Variants in KCNQ1 observed in about 807,000 individuals in gnomAD.
KCNQ1 encodes potassium voltage-gated channel subfamily Q member 1.
A neutral mutation model predicts 72.4 loss-of-function variants in KCNQ1; 49 were observed. That is an observed-to-expected ratio of 0.68 (90% CI 0.54 to 0.86). The LOEUF (loss-of-function observed/expected upper bound fraction) is 0.86, where lower values mean the gene tolerates loss of function less well. KCNQ1 is among the 40% of genes least tolerant of loss of function. The pLI is 0.00. For synonymous variants in KCNQ1, 450 were observed against 412.6 expected (o/e 1.09, Z -1.10); for missense variants, 790 against 945.1 (o/e 0.84, Z 2.15).
chr11:2,652,096 G>C lies in KCNQ1; in HGVS notation c.1394-9865G>C, dbSNP rs941498730. 1.0e-5 allele frequency: 4 copies of C among 398,592 alleles called. No homozygotes were observed. The highest frequency in any genetic ancestry group is 6.2e-5 in the African/African-American group (3 of 48,636). The allele number at this position is 398,592 out of a possible 1,614,324, so 24.7% of individuals were successfully genotyped here. On this transcript the variant is annotated intron_variant, in intron 10 of 15. Transcript: ENST00000155840. This position sits in a 1 kb window ranked among gnomAD's most constrained non-coding sequence, Gnocchi z 5.9. ...AGCTATGGGGAGCCTCTCGGCCCCAGTTCTGGCCTGGCTGGGAGGTGGCCT... is the reference window on the plus strand; with the variant it reads ...AGCTATGGGGAGCCTCTCGGCCCCACTTCTGGCCTGGCTGGGAGGTGGCCT...
intron 1 of KCNQ1, among the ~76,000 whole-genome samples, chr11:2,522,025 C>T (rs983837885): frequency 5.9e-5 from 9 of 152,272 alleles, no homozygotes; most frequent in African/African-American, 1.9e-4. Flanking sequence ...AGGGTTCCTG[C>T]ATTCTCCTGT....
Position 2,592,633 on chromosome 11 carries a change from CCCAA to C in KCNQ1, c.1393+3782_1393+3785del, listed in dbSNP as rs1848685471. Among the ~76,000 whole-genome samples the C allele has an allele frequency of 6.6e-6, 1 of 152,330 alleles. No homozygotes were observed. The highest frequency in any genetic ancestry group is 2.1e-4 in the South Asian group (1 of 4,826). ...ACTCCTCATGAAGGATGCATGGGGA[CCCAA>C]CCGCATGCCACTTGGCTTGGCAGTG... is the stretch of plus-strand genomic sequence containing the variant. On this transcript the variant is annotated intron_variant, in intron 10 of 15. Coordinates refer to ENST00000155840, the MANE Select transcript of KCNQ1 (RefSeq NM_000218.3). The surrounding 1 kb of genome is among the most constrained non-coding windows in gnomAD (Gnocchi z 5.2).
In KCNQ1 at chr11:2,690,037, G is replaced by GCCTCTCCTCC. The variant is rs1850562856; in HGVS notation, c.1514+27965_1514+27974dup. ...GGTGAGCCTTCCGAGGGCCAGCCCT[G>GCCTCTCCTCC]CCTCTCCTCCCCTCTCCTAGCCTGC... On this transcript the variant is annotated intron_variant, in intron 11 of 15. Transcript: ENST00000155840. This position sits in a 1 kb window ranked among gnomAD's most constrained non-coding sequence, Gnocchi z 5.1. The GCCTCTCCTCC allele has an allele frequency of 2.3e-5, 9 of 399,022 alleles. No homozygotes were observed. The East Asian group carries it at 3.2e-4, about 14-fold the overall frequency. 24.7% of individuals were successfully genotyped at this position (399,022 alleles called of 1,614,324 possible).
chr11:2,468,475 G>A lies in KCNQ1; in HGVS notation c.386+22991G>A, dbSNP rs959002054. Among the ~76,000 whole-genome samples, 1 of 152,040 alleles carries A rather than the reference G, an allele frequency of 6.6e-6. No individual in the cohort carries two copies. The highest frequency in any genetic ancestry group is 2.4e-5 in the African/African-American group (1 of 41,406). On this transcript the variant is annotated intron_variant, in intron 1 of 15. Transcript: ENST00000155840. The surrounding 1 kb of genome is among the most constrained non-coding windows in gnomAD (Gnocchi z 5.7). ...CTTTACGGAGGCGTGCTTGGCATAC[G>A]GTAAACTGCCCCAGTTTAAAGCAGA...
At chr11:2,591,331 C>T (rs2283175) in intron 10 of KCNQ1, among the ~76,000 whole-genome samples, 26,617 of 152,206 alleles carry the variant, frequency 0.17, 3,247 homozygotes, top group East Asian at 0.52. Context: ...AGTCCAGGCT[C>T]CCGCTCCACT....
rs905730304 is a variant in KCNQ1, at chr11:2,710,537, C to T, written c.1514+48456C>T. ...GATGCTTATGTTTTTGGTGTCATAA[C>T]TAAATAACAACATGTAATCTGAGGT... On this transcript the variant is annotated intron_variant, in intron 11 of 15. Coordinates refer to ENST00000155840, the MANE Select transcript of KCNQ1 (RefSeq NM_000218.3). This position sits in a 1 kb window ranked among gnomAD's most constrained non-coding sequence, Gnocchi z 4.1. Among the ~76,000 whole-genome samples, 2 of 152,134 alleles carry T rather than the reference C, an allele frequency of 1.3e-5. No homozygotes were observed. Among genetic ancestry groups the T allele is most frequent in the African/African-American group, 4.8e-5 (2 of 41,432 alleles).
Position 2,541,301 on chromosome 11 carries a change from T to C in KCNQ1, c.477+13283T>C, listed in dbSNP as rs1253224129. On this transcript the variant is annotated intron_variant, in intron 2 of 15. Coordinates refer to ENST00000155840, the MANE Select transcript of KCNQ1 (RefSeq NM_000218.3). This position sits in a 1 kb window ranked among gnomAD's most constrained non-coding sequence, Gnocchi z 4.8. ...ATCTGGTCAGTTTCCGAGCACCATG[T>C]GCTGAGAATGATGCGTGCATTCAGA... 1.3e-5 allele frequency among the ~76,000 whole-genome samples: 2 copies of C among 152,360 alleles called. No homozygotes were observed. Among genetic ancestry groups the C allele is most frequent in the East Asian group, 3.9e-4 (2 of 5,174 alleles).
At chr11:2,790,207 G>A (rs1222336959) in intron 15 of KCNQ1, among the ~76,000 whole-genome samples, 2 of 152,144 alleles carry the variant, frequency 1.3e-5, no homozygotes, top group Admixed American at 6.5e-5. Flanking sequence ...CAGCTCAGAG[G>A]AGAAGCCTGT....
chr11:2,539,407 G>A (rs1847787618), intron 2 of KCNQ1, among the ~76,000 whole-genome samples: 2 of 152,226 alleles, frequency 1.3e-5, no homozygotes, highest in Admixed American at 1.3e-4. Context: ...AGTGGCTAGA[G>A]GAACGGGCTT....
chr11:2,581,798 C>T (rs2133747990), intron 6 of KCNQ1, among the ~76,000 whole-genome samples: 1 of 152,334 alleles, frequency 6.6e-6, no homozygotes, highest in African/African-American at 2.4e-5. Flanking sequence ...GAGTGTGCAC[C>T]CACATACACA....
rs1371311407 is a variant in KCNQ1, at chr11:2,653,427, T to G, written c.1394-8534T>G. 5.0e-6 allele frequency: 2 copies of G among 398,578 alleles called. No homozygotes were observed. The highest frequency in any genetic ancestry group is 4.1e-5 in the African/African-American group (2 of 48,616). The allele number at this position is 398,578 out of a possible 1,614,324, so 24.7% of individuals were successfully genotyped here. Reference sequence around the variant, plus strand: ...TGATGGAACCCCAACTCAAACAAGCTTAAGCACAAAAGGGACATTTTTTGG... The same window carrying G: ...TGATGGAACCCCAACTCAAACAAGCGTAAGCACAAAAGGGACATTTTTTGG... On this transcript the variant is annotated intron_variant, in intron 10 of 15. Coordinates refer to ENST00000155840, the MANE Select transcript of KCNQ1 (RefSeq NM_000218.3). The surrounding 1 kb of genome is among the most constrained non-coding windows in gnomAD (Gnocchi z 5.3).
chr11:2,611,793 C>T lies in KCNQ1; in HGVS notation c.1393+22939C>T. The T allele has an allele frequency of 2.5e-6, 1 of 398,392 alleles. No individual in the cohort carries two copies. The highest frequency in any genetic ancestry group is 4.4e-6 in the Non-Finnish European group (1 of 225,992). The allele number at this position is 398,392 out of a possible 1,614,324, so 24.7% of individuals were successfully genotyped here. A position where few individuals can be genotyped will look rare whatever the true frequency, so the allele number is the denominator to read the frequency against. On this transcript the variant is annotated intron_variant, in intron 10 of 15. Transcript: ENST00000155840. This position sits in a 1 kb window ranked among gnomAD's most constrained non-coding sequence, Gnocchi z 5.3. ...CTCATATCACTTTTGTTCCTCTCTT[C>T]CTCCTTTACTGCCTTCTGCAGGTTG...
chr11:2,639,260 G>A (rs116374321), intron 10 of KCNQ1: 9,646 of 152,262 alleles, frequency 0.063, 382 homozygotes, highest in African/African-American at 0.095. Flanking sequence ...CTGGCGAGTG[G>A]CTGCGTTCCT....
rs1030331514 is a variant in KCNQ1 at position 2,595,159 on chromosome 11, TGAGAA to T, written c.1393+6310_1393+6314del. On this transcript the variant is annotated intron_variant, in intron 10 of 15. Transcript: ENST00000155840. The surrounding 1 kb of genome is among the most constrained non-coding windows in gnomAD (Gnocchi z 5.0). Reference sequence around the variant, plus strand: ...GAGAGCAAGTCTAAGTAACATATATTGAGAAGAGAGTTTTATTTTATAAAATAAAA... The same window carrying T: ...GAGAGCAAGTCTAAGTAACATATATTGAGAGTTTTATTTTATAAAATAAAA... 7.2e-5 allele frequency among the ~76,000 whole-genome samples: 11 copies of T among 152,280 alleles called. No homozygotes were observed. The highest frequency in any genetic ancestry group is 2.4e-4 in the African/African-American group (10 of 41,554).
chr11:2,454,314 G>T (rs191779362), intron 1 of KCNQ1, among the ~76,000 whole-genome samples: 1 of 152,064 alleles, frequency 6.6e-6, no homozygotes, highest in East Asian at 1.9e-4. Context: ...AATAGCTTGC[G>T]TAATTTTTAA....
rs1165965792 is a variant in KCNQ1, at chr11:2,447,282, T to G, written c.386+1798T>G. The stretch of plus-strand genomic sequence containing the variant: ...GCAGAGCTGGCAAGGCAGGGGTGGC[T>G]TCTGGGGACAGGGGCAGGATGGCTT... On this transcript the variant is annotated intron_variant, in intron 1 of 15. Transcript: ENST00000155840. This position sits in a 1 kb window ranked among gnomAD's most constrained non-coding sequence, Gnocchi z 7.6. 6.6e-6 allele frequency among the ~76,000 whole-genome samples: 1 copy of G among 152,104 alleles called. No individual in the cohort carries two copies. Among genetic ancestry groups the G allele is most frequent in the Non-Finnish European group, 1.5e-5 (1 of 67,998 alleles).
Position 2,762,459 on chromosome 11 carries a change from C to T in KCNQ1, c.1515-6385C>T, listed in dbSNP as rs574851373. ...TGTTCCAGCACCCTTTATTGAAAAG[C>T]GTATCCTTCCGCCAGCTCGACGGCA... On this transcript the variant is annotated intron_variant, in intron 11 of 15. Transcript: ENST00000155840. The surrounding 1 kb of genome is among the most constrained non-coding windows in gnomAD (Gnocchi z 4.3). 1.1e-4 allele frequency among the ~76,000 whole-genome samples: 16 copies of T among 152,132 alleles called. No homozygotes were observed. Among genetic ancestry groups the T allele is most frequent in the Admixed American group, 5.2e-4 (8 of 15,272 alleles).
rs746081938 is a variant in KCNQ1 at position 2,488,794 on chromosome 11, C to G, written c.387-39134C>G. 6.6e-6 allele frequency among the ~76,000 whole-genome samples: 1 copy of G among 152,154 alleles called. No individual in the cohort carries two copies. Among genetic ancestry groups the G allele is most frequent in the Non-Finnish European group, 1.5e-5 (1 of 68,030 alleles). On this transcript the variant is annotated intron_variant, in intron 1 of 15. Coordinates refer to ENST00000155840, the MANE Select transcript of KCNQ1 (RefSeq NM_000218.3). This position sits in a 1 kb window ranked among gnomAD's most constrained non-coding sequence, Gnocchi z 5.1. The stretch of plus-strand genomic sequence containing the variant: ...AATTCTTAAAATCTTTTCAGAGAAG[C>G]AACTTTGATTTAATTGATTTTTCTC...
At position 2,534,871 on chromosome 11, in the gene KCNQ1, C is replaced by G. The variant is rs114430358; in HGVS notation, c.477+6853C>G. On this transcript the variant is annotated intron_variant, in intron 2 of 15. Coordinates refer to ENST00000155840, the MANE Select transcript of KCNQ1 (RefSeq NM_000218.3). ...TGTGCCAGGATCTATGTGCAAGCAG[C>G]CCATGGGCTCATGAAAGGCAGAGCT... Among the ~76,000 whole-genome samples the G allele has an allele frequency of 3.0e-3, 450 of 152,358 alleles. 3 individuals are homozygous for G. Among genetic ancestry groups the G allele is most frequent in the African/African-American group, 0.01 (431 of 41,584 alleles).
Sources: gnomAD v4.1 joint callset for allele counts (sites outside exome capture counted in the v4.1 genomes callset) on GRCh38, gnomAD v4.1.1 for gene constraint, Gnocchi (gnomAD v3.1) non-coding constraint, MANE v1.5 for transcripts, NCBI Gene and HGNC (gene_info 2026-07-23, HGNC 2026-07-21) for gene names.